Variants in SNX29 observed in about 807,000 individuals in gnomAD.
SNX29 encodes sorting nexin 29.
Under a neutral mutation model 102.1 loss-of-function variants are expected in SNX29, and 78 were observed. The ratio of observed to expected loss-of-function variants is 0.76; its 90% CI spans 0.64 to 0.92. The LOEUF is 0.92. Ranked by LOEUF, SNX29 falls within the 40% of genes least tolerant of loss-of-function variation. The probability of loss-of-function intolerance (pLI) is 0.00; values close to 1 mark genes in which losing one functional copy is unlikely to be tolerated. For missense variants in SNX29, 1,280 were observed against 1,061.7 expected (o/e 1.21, Z -2.86); for synonymous variants, 580 against 414.5 (o/e 1.40, Z -4.85).
intron 11 of SNX29, among the ~76,000 whole-genome samples, chr16:12,106,206 C>G (rs1477316291): frequency 1.3e-5 from 2 of 152,152 alleles, no homozygotes; most frequent in East Asian, 3.9e-4. Context: ...GAAAAGCTCC[C>G]CTCCTAATGT....
chr16:12,173,742 G>A (rs1451393916), intron 13 of SNX29, among the ~76,000 whole-genome samples: 2 of 152,118 alleles, frequency 1.3e-5, no homozygotes, highest in Non-Finnish European at 2.9e-5. Flanking sequence ...AACTTAATGC[G>A]ATTTGATCCC....
chr16:12,026,210 G>A (rs945013753), intron 3 of SNX29, among the ~76,000 whole-genome samples: 1 of 152,124 alleles, frequency 6.6e-6, no homozygotes, highest in East Asian at 1.9e-4. Flanking sequence ...TAATTCCAAG[G>A]CCACCTTCAT....
intron 15 of SNX29, among the ~76,000 whole-genome samples, chr16:12,281,814 T>C (rs983437955): frequency 1.3e-5 from 2 of 152,050 alleles, no homozygotes; most frequent in African/African-American, 4.8e-5. Flanking sequence ...CTCAAACCTG[T>C]AATCCCAGCA....
intron 18 of SNX29, among the ~76,000 whole-genome samples, chr16:12,407,009 C>A (rs1335141012): frequency 6.6e-6 from 1 of 152,228 alleles, no homozygotes; most frequent in Admixed American, 6.5e-5. Flanking sequence ...CTGGACAGCA[C>A]AGATCTGGAA....
At chr16:12,525,023 C>G (rs1022973159) in intron 20 of SNX29, among the ~76,000 whole-genome samples, 182 bp downstream of exon 20, 1 of 152,116 alleles carries the variant, frequency 6.6e-6, no homozygotes, top group Non-Finnish European at 1.5e-5. Flanking sequence ...TTTGGAGCTT[C>G]TAAAGGGATG....
intron 18 of SNX29, 38 bp from the exon 19 acceptor site, chr16:12,477,681 G>A (rs372532518): frequency 2.5e-6 from 4 of 1,599,042 alleles, no homozygotes; most frequent in East Asian, 2.2e-5. Flanking sequence ...TTTATAATAA[G>A]GGTTTAAGAG....
intron 15 of SNX29, among the ~76,000 whole-genome samples, chr16:12,287,407 A>G (rs1230990641): frequency 6.6e-6 from 1 of 152,164 alleles, no homozygotes; most frequent in Non-Finnish European, 1.5e-5. Context: ...ACTGGTAAAA[A>G]GTAGGCAAAA....
chr16:12,246,764 G>A (rs958647321), intron 14 of SNX29, among the ~76,000 whole-genome samples: 9 of 152,190 alleles, frequency 5.9e-5, no homozygotes, highest in Non-Finnish European at 8.8e-5. Context: ...ACAATGACCC[G>A]GGCCCACAGC....
At chr16:12,423,814 C>T (rs2084956668) in intron 18 of SNX29, among the ~76,000 whole-genome samples, 1 of 152,164 alleles carries the variant, frequency 6.6e-6, no homozygotes, top group Non-Finnish European at 1.5e-5. Context: ...TGAAGTGATC[C>T]ACCAGCCTCA....
chr16:12,459,411 C>G (rs2086681388), intron 18 of SNX29, among the ~76,000 whole-genome samples: 1 of 152,080 alleles, frequency 6.6e-6, no homozygotes, highest in Non-Finnish European at 1.5e-5. Flanking sequence ...GATCTCATGC[C>G]TACTCTAGGG....
At chr16:12,565,747 G>T (rs1472157434) in intron 20 of SNX29, among the ~76,000 whole-genome samples, 3 of 152,122 alleles carry the variant, frequency 2.0e-5, no homozygotes, top group African/African-American at 7.2e-5. Flanking sequence ...CCCTCCCCAT[G>T]GGCCTGCCAC....
chr16:12,464,935 G>T (rs1279640256), intron 18 of SNX29, among the ~76,000 whole-genome samples: 4 of 152,148 alleles, frequency 2.6e-5, no homozygotes, highest in Non-Finnish European at 5.9e-5. Flanking sequence ...TTTGGAGAAG[G>T]GCCATCCTAA....
intron 16 of SNX29, among the ~76,000 whole-genome samples, chr16:12,383,028 GA>G (rs1459527119): frequency 6.6e-6 from 1 of 152,050 alleles, no homozygotes; most frequent in East Asian, 1.9e-4. Context: ...TATCTTTTTG[GA>G]GGACACCGTT....
intron 10 of SNX29, among the ~76,000 whole-genome samples, chr16:12,070,445 G>T (rs1296883627): frequency 6.7e-6 from 1 of 150,126 alleles, no homozygotes; most frequent in Non-Finnish European, 1.5e-5. Context: ...TTTTGTCCTT[G>T]CGATAGTTTA....
At chr16:12,016,194 T>G (rs1442879122) in intron 3 of SNX29, among the ~76,000 whole-genome samples, 1 of 152,222 alleles carries the variant, frequency 6.6e-6, no homozygotes, top group Non-Finnish European at 1.5e-5. Context: ...AAGGCTACAT[T>G]GCATTGCATG....
At chr16:12,009,536 A>G (rs1268117785) in intron 3 of SNX29, among the ~76,000 whole-genome samples, 1 of 151,912 alleles carries the variant, frequency 6.6e-6, no homozygotes, top group African/African-American at 2.4e-5. Context: ...AGATGCTGCC[A>G]TCTTCACATG....
chr16:12,489,945 A>G (rs1275827422), intron 19 of SNX29, among the ~76,000 whole-genome samples: 2 of 152,090 alleles, frequency 1.3e-5, no homozygotes, highest in Admixed American at 1.3e-4. Context: ...AGCTGGGACT[A>G]TAGGCATGCA....
rs1482328648 is a variant in SNX29, at chr16:12,262,296, C to G, written c.1679-15637C>G. On this transcript the variant is annotated intron_variant, in intron 14 of 20. Transcript: ENST00000566228. ...GGTTTGATAAATGAGGAGACCCAGG[C>G]TCTAGGAAGTGAGGTGACTGTTCAG... 2.6e-5 allele frequency among the ~76,000 whole-genome samples: 4 copies of G among 152,176 alleles called. No individual in the cohort carries two copies. The East Asian group carries it at 7.7e-4, about 29-fold the overall frequency.
At position 12,356,168 on chromosome 16, in the gene SNX29, A is replaced by G. The variant is rs913624431; in HGVS notation, c.1788A>G (p.Ala596=). The change falls in exon 16 of 21, where the codon GCA becomes GCG. Residue 596 remains alanine (A), a synonymous_variant. Coordinates refer to ENST00000566228, the MANE Select transcript of SNX29 (RefSeq NM_032167.5). ...SSYERKLIEV[A]EMHGELIEFN... ...TTTCCGTGCTTGTGTTCCAGGTGGC[A>G]GAGATGCATGGCGAGCTGATTGAGT... 3.1e-6 allele frequency: 5 copies of G among 1,612,298 alleles called. No homozygotes were observed. The highest frequency in any genetic ancestry group is 1.6e-4 in the Middle Eastern group (1 of 6,082).
Sources: allele counts gnomAD v4.1 joint callset (sites outside exome capture counted in the v4.1 genomes callset), GRCh38; gene constraint gnomAD v4.1.1; transcripts MANE v1.5; gene names NCBI Gene and HGNC (gene_info 2026-07-23, HGNC 2026-07-21).